SERINC1: variants seen among roughly 807,000 people sequenced by gnomAD.
SERINC1 encodes tumor differentially expressed protein 2.
A neutral mutation model predicts 52.9 loss-of-function variants in SERINC1; 38 were observed. That is an observed-to-expected ratio of 0.72 (90% CI 0.55 to 0.94). SERINC1 has a LOEUF of 0.94. SERINC1 is among the 40% of genes least tolerant of loss of function. The probability of loss-of-function intolerance (pLI) is 0.00; values close to 1 mark genes in which losing one functional copy is unlikely to be tolerated. For synonymous variants in SERINC1, 198 were observed against 183.1 expected, an observed-to-expected ratio of 1.08 and a Z score of -0.66; for missense variants, 471 against 533.9, an observed-to-expected ratio of 0.88 and a Z score of 1.16.
chr6:122,447,019 GT>G lies in SERINC1; in HGVS notation c.996-16del. Reference sequence around the variant, plus strand: ...AAGTACGGATGCTGTATGAAAGAGAGTTTAGGAGGAGAGAAAAAAAAGAACA... The same window carrying G: ...AAGTACGGATGCTGTATGAAAGAGAGTTAGGAGGAGAGAAAAAAAAGAACA... On this transcript the variant is annotated splice_polypyrimidine_tract_variant and intron_variant, in intron 8 of 9. Transcript: ENST00000339697. 6.3e-7 allele frequency: 1 copy of G among 1,584,532 alleles called. No individual in the cohort carries two copies. Among genetic ancestry groups the G allele is most frequent in the Admixed American group, 1.7e-5 (1 of 59,140 alleles).
intron 1 of SERINC1, among the ~76,000 whole-genome samples, chr6:122,461,012 G>T (rs1246147947): frequency 6.6e-6 from 1 of 151,952 alleles, no homozygotes; most frequent in African/African-American, 2.4e-5. Flanking sequence ...GATCCAAAAT[G>T]AAAGAGAGAT....
chr6:122,465,312 A>C (rs1370201002), intron 1 of SERINC1, among the ~76,000 whole-genome samples: 1 of 152,180 alleles, frequency 6.6e-6, no homozygotes, highest in African/African-American at 2.4e-5. Context: ...GATTGGTTGA[A>C]TGTCTTTCCA....
At chr6:122,465,721 C>T (rs1229929627) in intron 1 of SERINC1, among the ~76,000 whole-genome samples, 3 of 151,908 alleles carry the variant, frequency 2.0e-5, no homozygotes, top group South Asian at 2.1e-4. Flanking sequence ...CTGAATACTC[C>T]GGAAAACACT....
rs746585573 is a variant in SERINC1 at position 122,456,608 on chromosome 6, T to A, written c.244A>T (p.Asn82Tyr). ...ACAGCTTTATAGCCAACCAAAATGTTACAAGGGACAACACCTTTCTCATTC... is the reference window on the plus strand; with the variant it reads ...ACAGCTTTATAGCCAACCAAAATGTAACAAGGGACAACACCTTTCTCATTC... Reference protein sequence around the residue: ...CENEKGVVPCNILVGYKAVYR... With the variant: ...CENEKGVVPCYILVGYKAVYR... The change falls in exon 3 of 10, where the codon AAC becomes TAC. Residue 82 changes from asparagine to tyrosine, a missense_variant. Transcript: ENST00000339697. 3 of 1,611,786 alleles carry A rather than the reference T, an allele frequency of 1.9e-6. No individual in the cohort carries two copies. Among genetic ancestry groups the A allele is most frequent in the Non-Finnish European group, 2.5e-6 (3 of 1,178,880 alleles).
At chr6:122,464,967 T>C (rs1775162563) in intron 1 of SERINC1, among the ~76,000 whole-genome samples, 1 of 152,140 alleles carries the variant, frequency 6.6e-6, no homozygotes, top group East Asian at 1.9e-4. Flanking sequence ...GCAGACTGAA[T>C]ATATTAATTT....
Position 122,446,829 on chromosome 6 carries a change from A to G in SERINC1, c.1171T>C (p.Phe391Leu), listed in dbSNP as rs756154576. 8.1e-6 allele frequency: 13 copies of G among 1,614,024 alleles called. No individual in the cohort carries two copies. The African/African-American group carries it at 1.7e-4, about 22-fold the overall frequency. Residue 391 changes from phenylalanine (F) to leucine (L), a missense_variant, in exon 9 of 10, where the codon TTC becomes CTC. Transcript: ENST00000339697. Reference sequence around the variant, plus strand: ...TAAAGTGAAGCCAGGAAAAGCATGAAGTGAAAGAAGGAATAACTGTAAGTG... The same window carrying G: ...TAAAGTGAAGCCAGGAAAAGCATGAGGTGAAAGAAGGAATAACTGTAAGTG... ...GVTYSYSFFHFMLFLASLYIM... is the reference protein window; with the variant it reads ...GVTYSYSFFHLMLFLASLYIM...
chr6:122,457,716 C>T (rs963106137), intron 2 of SERINC1, among the ~76,000 whole-genome samples: 2 of 151,866 alleles, frequency 1.3e-5, no homozygotes, highest in African/African-American at 2.4e-5. Context: ...GACTTTCAGC[C>T]TCCAAAACTG....
intron 1 of SERINC1, among the ~76,000 whole-genome samples, chr6:122,463,817 C>T (rs1417392456): frequency 6.6e-6 from 1 of 152,140 alleles, no homozygotes; most frequent in East Asian, 1.9e-4. Context: ...CATGCACTTA[C>T]TGTATGAATA....
chr6:122,471,266 G>A (rs377472601), intron 1 of SERINC1, among the ~76,000 whole-genome samples: 19 of 152,142 alleles, frequency 1.2e-4, no homozygotes, highest in East Asian at 7.8e-4. Flanking sequence ...AGGAACGACA[G>A]TGCGGCAGTC....
At chr6:122,451,776 A>AAAAAAAATATATATAT in intron 6 of SERINC1, 22 bp from the exon 7 acceptor site, 56 of 113,042 alleles carry the variant, frequency 5.0e-4, no homozygotes, top group East Asian at 2.7e-3. Context: ...AAAAAAAAAA[A>AAAAAAAATATATATAT]ATATATATAT....
intron 1 of SERINC1, among the ~76,000 whole-genome samples, 184 bp from the exon 2 acceptor site, chr6:122,458,865 T>TC (rs1158143175): frequency 2.6e-5 from 4 of 152,008 alleles, no homozygotes; most frequent in Non-Finnish European, 5.9e-5. Flanking sequence ...CTTAGCAACT[T>TC]CTAAGAAGGA....
Position 122,445,178 on chromosome 6 carries a change from A to T in SERINC1, c.1228T>A (p.Tyr410Asn). Residue 410 changes from tyrosine to asparagine, a missense_variant and splice_region_variant, in exon 10 of 10, where the codon TAT becomes AAT. Physicochemically the swap from Tyr to Asn is moderately radical, Grantham distance 143. Coordinates refer to ENST00000339697, the MANE Select transcript of SERINC1 (RefSeq NM_020755.4). ...IMMTLTNWYR[Y>N]EPSREMKSQW... ...CTTTTCATCTCACGAGAGGGTTCAT[A>T]CCTAAAATTTCAGGGAAAATTATTA... The T allele has an allele frequency of 6.2e-7, 1 of 1,609,902 alleles. No homozygotes were observed. Among genetic ancestry groups the T allele is most frequent in the Non-Finnish European group, 8.5e-7 (1 of 1,178,966 alleles).
In SERINC1 at chr6:122,444,903, A is replaced by G; in HGVS notation, c.*141T>C. 1 of 729,268 alleles carries G rather than the reference A, an allele frequency of 1.4e-6. No homozygotes were observed. Among genetic ancestry groups the G allele is most frequent in the Non-Finnish European group, 2.2e-6 (1 of 457,602 alleles). The allele number at this position is 729,268 out of a possible 1,614,324, so 45.2% of individuals were successfully genotyped here. Reference sequence around the variant, plus strand: ...CACTTGGTAAGAAAATAACAAAATGACAAGCAGTAAAATCTAATTCATGCC... The same window carrying G: ...CACTTGGTAAGAAAATAACAAAATGGCAAGCAGTAAAATCTAATTCATGCC... On this transcript the variant is annotated 3_prime_UTR_variant, in exon 10 of 10. Transcript: ENST00000339697.
intron 2 of SERINC1, among the ~76,000 whole-genome samples, chr6:122,458,049 C>T (rs1400679427): frequency 7.9e-5 from 12 of 152,074 alleles, no homozygotes; most frequent in Non-Finnish European, 4.4e-5. Context: ...TCCAGAAAAT[C>T]TTATTTCAGG....
chr6:122,451,776 A>AAAAAAAAAAAAAAATATATATATAT, intron 6 of SERINC1, 22 bp from the exon 7 acceptor site: 2 of 113,070 alleles, frequency 1.8e-5, no homozygotes, highest in Non-Finnish European at 2.7e-5. Context: ...AAAAAAAAAA[A>AAAAAAAAAAAAAAATATATATATAT]ATATATATAT....
chr6:122,448,564 CAT>C (rs1774848606), intron 7 of SERINC1, among the ~76,000 whole-genome samples: 1 of 152,012 alleles, frequency 6.6e-6, no homozygotes. Flanking sequence ...TAATAAGATG[CAT>C]TACAAAGCCC....
intron 9 of SERINC1, among the ~76,000 whole-genome samples, chr6:122,445,883 C>CAAAAAAAAAAAAAAAAAAAAAAAAAAAAA (rs71018202): frequency 1.6e-5 from 1 of 62,826 alleles, no homozygotes; most frequent in African/African-American, 6.6e-5. Flanking sequence ...GACTCCATTT[C>CAAAAAAAAAAAAAAAAAAAAAAAAAAAAA]AAAAAAAAAA....
Position 122,471,621 on chromosome 6 carries a change from C to T in SERINC1, c.39+78G>A, listed in dbSNP as rs1582640952. 7 of 1,585,960 alleles carry T rather than the reference C, an allele frequency of 4.4e-6. No homozygotes were observed. In the East Asian group the frequency reaches 1.6e-4, roughly 35 times the overall value. ...GGTGGGGCACCACATTCCCGCCGGG[C>T]TCACCCAGCCCCGGCTCGGATCGCC... On this transcript the variant is annotated intron_variant, in intron 1 of 9. Coordinates refer to ENST00000339697, the MANE Select transcript of SERINC1 (RefSeq NM_020755.4).
intron 5 of SERINC1, 76 bp downstream of exon 5, chr6:122,453,694 G>A (rs959483104): frequency 1.4e-5 from 17 of 1,215,214 alleles, no homozygotes; most frequent in Non-Finnish European, 1.8e-5. Context: ...AATCCTAAGT[G>A]ATTTACCTAG....
Sources: gnomAD v4.1 joint callset for allele counts (sites outside exome capture counted in the v4.1 genomes callset) on GRCh38, gnomAD v4.1.1 for gene constraint, MANE v1.5 for transcripts, NCBI Gene and HGNC (gene_info 2026-07-23, HGNC 2026-07-21) for gene names.